CACNA1D: variants seen among roughly 807,000 people sequenced by gnomAD.
CACNA1D encodes the protein voltage-dependent L-type calcium channel subunit alpha-1D.
In CACNA1D, 55 loss-of-function variants were observed where a neutral mutation model predicts 257.1. The ratio of observed to expected loss-of-function variants is 0.21; its 90% CI spans 0.17 to 0.27. The LOEUF (loss-of-function observed/expected upper bound fraction) is 0.27, where lower values mean the gene tolerates loss of function less well. Ranked by LOEUF, CACNA1D falls within the 10% of genes least tolerant of loss-of-function variation. The probability of loss-of-function intolerance (pLI) is 1.00; values close to 1 mark genes in which losing one functional copy is unlikely to be tolerated. For missense variants in CACNA1D, 1,876 were observed against 2,784.0 expected (o/e 0.67, Z 7.34); for synonymous variants, 980 against 1,014.9 (o/e 0.97, Z 0.65).
Position 53,747,334 on chromosome 3 carries a change from T to C in CACNA1D, c.3200T>C (p.Val1067Ala). The C allele has an allele frequency of 1.2e-6, 2 of 1,614,078 alleles. No homozygotes were observed. The highest frequency in any genetic ancestry group is 1.7e-6 in the Non-Finnish European group (2 of 1,179,922). ...TTCATCCTCTACAAGGATGGGGATGTTGACAGTCCTGTGGTCCGTGAACGG... is the reference window on the plus strand; with the variant it reads ...TTCATCCTCTACAAGGATGGGGATGCTGACAGTCCTGTGGTCCGTGAACGG... ...GLFILYKDGD[V>A]DSPVVRERIW... Residue 1067 changes from valine to alanine, a missense_variant, in exon 26 of 48, where the codon GTT (valine) becomes GCT (alanine). Around this residue, in one of 10 missense-constraint regions of CACNA1D, gnomAD observed 271 missense variants for 425.5 expected, o/e 0.64. Coordinates refer to ENST00000350061, the MANE Select transcript of CACNA1D (RefSeq NM_001128840.3).
At chr3:53,588,255 A>G (rs1045719143) in intron 3 of CACNA1D, among the ~76,000 whole-genome samples, 17 of 152,184 alleles carry the variant, frequency 1.1e-4, no homozygotes, top group Non-Finnish European at 8.8e-5. Context: ...TGTGAGGCAC[A>G]CTGGAGTCTC....
Position 53,800,192 on chromosome 3 carries a change from G to T in CACNA1D, c.4924-57G>T, listed in dbSNP as rs2095529050. On this transcript the variant is annotated intron_variant, in intron 40 of 47. Coordinates refer to ENST00000350061, the MANE Select transcript of CACNA1D (RefSeq NM_001128840.3). The surrounding 1 kb of genome is among the most constrained non-coding windows in gnomAD (Gnocchi z 4.3). ...CAGGAAGGAGCAAAGCCAGGACCCA[G>T]GCTGGCCCCAGGGCCCATGTGTGGT... 1 of 1,249,560 alleles carries T rather than the reference G, an allele frequency of 8.0e-7. No individual in the cohort carries two copies. Among genetic ancestry groups the T allele is most frequent in the African/African-American group, 1.5e-5 (1 of 67,916 alleles). The allele number at this position is 1,249,560 out of a possible 1,614,324, so 77.4% of individuals were successfully genotyped here.
At chr3:53,750,501 G>C (rs1470347801) in intron 27 of CACNA1D, among the ~76,000 whole-genome samples, 1 of 152,208 alleles carries the variant, frequency 6.6e-6, no homozygotes, top group Non-Finnish European at 1.5e-5. Flanking sequence ...ACCATAGCTG[G>C]CTGTACCCAC....
chr3:53,497,675 G>GTA (rs890631346), intron 2 of CACNA1D, among the ~76,000 whole-genome samples: 5 of 152,164 alleles, frequency 3.3e-5, no homozygotes, highest in Non-Finnish European at 7.3e-5. Flanking sequence ...CTGGATGTGT[G>GTA]TATAGTAGTA....
intron 39 of CACNA1D, among the ~76,000 whole-genome samples, chr3:53,784,745 G>A (rs2109094682): frequency 6.6e-6 from 1 of 152,250 alleles, no homozygotes; most frequent in Non-Finnish European, 1.5e-5. Context: ...TGGGGTCCCT[G>A]GAGTCATTAG....
intron 3 of CACNA1D, among the ~76,000 whole-genome samples, chr3:53,507,951 A>G (rs958558160): frequency 5.4e-5 from 8 of 148,196 alleles, no homozygotes; most frequent in Non-Finnish European, 1.2e-4. Context: ...TCCACTGGGT[A>G]GAAATGGCAT....
chr3:53,693,265 G>A (rs749939420), intron 8 of CACNA1D, among the ~76,000 whole-genome samples: 1 of 151,998 alleles, frequency 6.6e-6, no homozygotes, highest in Non-Finnish European at 1.5e-5. Context: ...CTTATTTATG[G>A]GGTGCTGTAT....
chr3:53,506,776 TAAAG>T (rs2090864772), intron 3 of CACNA1D, among the ~76,000 whole-genome samples: 1 of 152,200 alleles, frequency 6.6e-6, no homozygotes, highest in African/African-American at 2.4e-5. Context: ...ATTTAACTAT[TAAAG>T]AGAGAAGAAA....
chr3:53,612,070 A>G lies in CACNA1D; in HGVS notation c.484-38709A>G, dbSNP rs549965534. Among the ~76,000 whole-genome samples the G allele has an allele frequency of 1.4e-4, 21 of 152,370 alleles. 1 individual carries two copies. In the South Asian group the frequency reaches 3.7e-3, roughly 27 times the overall value. ...TCTAGAAATTTCATTTGATTTAAAA[A>G]AATATTTGATATTTCCTCTTTCATT... On this transcript the variant is annotated intron_variant, in intron 3 of 47. Coordinates refer to ENST00000350061, the MANE Select transcript of CACNA1D (RefSeq NM_001128840.3).
chr3:53,559,989 C>G (rs2092709241), intron 3 of CACNA1D, among the ~76,000 whole-genome samples: 1 of 126,826 alleles, frequency 7.9e-6, no homozygotes, highest in Non-Finnish European at 1.6e-5. Context: ...GAGGGATTGT[C>G]TGGGGGCTGG....
rs377132134 is a variant in CACNA1D at position 53,713,543 on chromosome 3, T to TGTGTGTGTGTGTGA, written c.1391-4757_1391-4756insTGTGTGTGTGTGAG. Among the ~76,000 whole-genome samples, 973 of 120,954 alleles carry TGTGTGTGTGTGTGA rather than the reference T, an allele frequency of 8.0e-3. 14 individuals carry two copies. Among genetic ancestry groups the TGTGTGTGTGTGTGA allele is most frequent in the African/African-American group, 0.027 (902 of 32,984 alleles). The allele number at this position is 120,954 out of a possible 152,430, so 79.4% of individuals were successfully genotyped here. A position where few individuals can be genotyped will look rare whatever the true frequency, so the allele number is the denominator to read the frequency against. ...GTGTGTGTGTGTGTGTGTGTGTGTG[T>TGTGTGTGTGTGTGA]GAGAGATTTGCCTCCAAATTCACAA... On this transcript the variant is annotated intron_variant, in intron 9 of 47. Coordinates refer to ENST00000350061, the MANE Select transcript of CACNA1D (RefSeq NM_001128840.3).
intron 8 of CACNA1D, among the ~76,000 whole-genome samples, chr3:53,695,774 G>C (rs2094567833): frequency 6.6e-6 from 1 of 152,084 alleles, no homozygotes; most frequent in Non-Finnish European, 1.5e-5. Flanking sequence ...GAATGTCTCT[G>C]GTCTTCCTCA....
At chr3:53,675,110 G>T (rs777648500) in intron 8 of CACNA1D, among the ~76,000 whole-genome samples, 1 of 152,156 alleles carries the variant, frequency 6.6e-6, no homozygotes, top group Non-Finnish European at 1.5e-5. Context: ...CACCAGGGAC[G>T]CATACTGTCA....
intron 40 of CACNA1D, among the ~76,000 whole-genome samples, chr3:53,798,330 T>C (rs967657414): frequency 1.4e-5 from 2 of 143,238 alleles, no homozygotes; most frequent in Non-Finnish European, 3.1e-5. Flanking sequence ...TGTGTGTGCG[T>C]GTGTGTGCGT....
At chr3:53,522,267 C>T (rs1160432087) in intron 3 of CACNA1D, among the ~76,000 whole-genome samples, 2 of 152,210 alleles carry the variant, frequency 1.3e-5, no homozygotes, top group East Asian at 3.8e-4. Context: ...TCTGTCCACT[C>T]CTGACCCAGT....
intron 3 of CACNA1D, among the ~76,000 whole-genome samples, chr3:53,540,149 C>T (rs1256526787): frequency 6.6e-6 from 1 of 151,758 alleles, no homozygotes; most frequent in African/African-American, 2.4e-5. Flanking sequence ...GACGGAGTCT[C>T]ACTCTGTCAC....
chr3:53,795,319 T>C (rs936426869), intron 40 of CACNA1D, among the ~76,000 whole-genome samples: 3 of 152,202 alleles, frequency 2.0e-5, no homozygotes, highest in Non-Finnish European at 2.9e-5. Flanking sequence ...CTTGATCAGG[T>C]GGCACCCCAC....
intron 2 of CACNA1D, among the ~76,000 whole-genome samples, chr3:53,497,897 C>CTAA (rs2090421269): frequency 6.6e-6 from 1 of 152,272 alleles, no homozygotes; most frequent in South Asian, 2.1e-4. Context: ...CATTTTTGAC[C>CTAA]TTTAGTAGAA....
chr3:53,676,394 G>A (rs1266159426), intron 8 of CACNA1D, among the ~76,000 whole-genome samples: 1 of 152,038 alleles, frequency 6.6e-6, no homozygotes, highest in African/African-American at 2.4e-5. Context: ...AGCCTCAAGA[G>A]TCTTCATAAT....
Sources: gnomAD v4.1 joint callset for allele counts (sites outside exome capture counted in the v4.1 genomes callset) on GRCh38, gnomAD v4.1.1 for gene constraint, gnomAD v4.1.1 regional missense constraint, Gnocchi (gnomAD v3.1) non-coding constraint, MANE v1.5 for transcripts, NCBI Gene and HGNC (gene_info 2026-07-23, HGNC 2026-07-21) for gene names.